RYR2: variants seen among roughly 807,000 people sequenced by gnomAD.
The protein encoded by RYR2 is cardiac muscle ryanodine receptor-calcium release channel.
A neutral mutation model predicts 601.1 loss-of-function variants in RYR2; 227 were observed. That is an observed-to-expected ratio of 0.38 (90% CI 0.34 to 0.42). The LOEUF (loss-of-function observed/expected upper bound fraction) is 0.42. Among genes scored for constraint, RYR2 ranks in the 10% least tolerant of loss-of-function variants. RYR2 has a pLI of 1.00. For synonymous variants in RYR2, 2,223 were observed against 2,175.1 expected (o/e 1.02, Z -0.61); for missense variants, 4,646 against 6,156.5 (o/e 0.75, Z 8.21).
intron 2 of RYR2, among the ~76,000 whole-genome samples, chr1:237,311,482 CTTT>C (rs574868634): frequency 3.5e-5 from 5 of 141,184 alleles, no homozygotes; most frequent in East Asian, 2.1e-4. Context: ...AGAAAAAATC[CTTT>C]TTTTTTTTTT....
intron 1 of RYR2, among the ~76,000 whole-genome samples, chr1:237,099,106 GAA>G (rs61415751): frequency 0.79 from 118,564 of 149,978 alleles, 49,717 homozygotes; most frequent in Non-Finnish European, 0.93. Context: ...AGTGTGAACG[GAA>G]AAAAAAAAAC....
At chr1:237,209,973 A>G (rs955373449) in intron 1 of RYR2, among the ~76,000 whole-genome samples, 1 of 152,224 alleles carries the variant, frequency 6.6e-6, no homozygotes, top group African/African-American at 2.4e-5. Flanking sequence ...AATGAGAAAT[A>G]TAACATGTAG....
intron 1 of RYR2, among the ~76,000 whole-genome samples, chr1:237,212,840 T>C (rs753949430): frequency 6.6e-6 from 1 of 152,114 alleles, no homozygotes; most frequent in East Asian, 1.9e-4. Flanking sequence ...AGTAGCGTGA[T>C]CTCGACTCAC....
chr1:237,598,926 T>G (rs1676191146), intron 34 of RYR2, among the ~76,000 whole-genome samples: 1 of 151,924 alleles, frequency 6.6e-6, no homozygotes, highest in South Asian at 2.1e-4. Flanking sequence ...CTCAAATAAA[T>G]AAAATCCACA....
chr1:237,089,700 T>C (rs1186995528), intron 1 of RYR2, among the ~76,000 whole-genome samples: 1 of 152,244 alleles, frequency 6.6e-6, no homozygotes, highest in Non-Finnish European at 1.5e-5. Flanking sequence ...AAATAAGTCA[T>C]GTTCCTTTTA....
chr1:237,679,947 A>G (rs1685720612), intron 61 of RYR2, among the ~76,000 whole-genome samples: 1 of 152,188 alleles, frequency 6.6e-6, no homozygotes, highest in African/African-American at 2.4e-5. Flanking sequence ...TAGAAATGGA[A>G]AGTGCACTTT....
At chr1:237,153,206 A>AGC (rs1250615803) in intron 1 of RYR2, among the ~76,000 whole-genome samples, 3 of 152,234 alleles carry the variant, frequency 2.0e-5, no homozygotes, top group Non-Finnish European at 2.9e-5. Context: ...AGAATGAACA[A>AGC]GAGACAAAGC....
chr1:237,164,532 TAAAAG>T (rs1223405173), intron 1 of RYR2, among the ~76,000 whole-genome samples: 6 of 151,860 alleles, frequency 4.0e-5, no homozygotes, highest in African/African-American at 7.3e-5. Flanking sequence ...GACAAATAAA[TAAAAG>T]AAGAGGTAAA....
chr1:237,558,249 AG>A (rs1671101810), intron 27 of RYR2, among the ~76,000 whole-genome samples: 1 of 152,216 alleles, frequency 6.6e-6, no homozygotes. Flanking sequence ...GAGGAAGCTG[AG>A]GGCAGTCTAC....
chr1:237,811,288 A>C (rs73103996), intron 100 of RYR2, among the ~76,000 whole-genome samples: 1 of 152,172 alleles, frequency 6.6e-6, no homozygotes, highest in African/African-American at 2.4e-5. Context: ...CTGAAACTCG[A>C]TGTTACATTT....
At chr1:237,220,392 G>A (rs1169377914) in intron 1 of RYR2, among the ~76,000 whole-genome samples, 2 of 152,178 alleles carry the variant, frequency 1.3e-5, no homozygotes, top group African/African-American at 2.4e-5. Flanking sequence ...AGGCCTGACC[G>A]GTGGTGTGCT....
intron 1 of RYR2, among the ~76,000 whole-genome samples, chr1:237,065,960 G>A (rs58021273): frequency 6.6e-6 from 1 of 152,146 alleles, no homozygotes; most frequent in Non-Finnish European, 1.5e-5. Context: ...TATCACCAGA[G>A]TAGCACCGAG....
At chr1:237,108,421 G>C (rs749735786) in intron 1 of RYR2, among the ~76,000 whole-genome samples, 2 of 152,200 alleles carry the variant, frequency 1.3e-5, no homozygotes, top group Non-Finnish European at 2.9e-5. Flanking sequence ...AGCCCAGTAG[G>C]CCTGCTAATT....
chr1:237,331,542 AC>A (rs1181405638), intron 3 of RYR2, among the ~76,000 whole-genome samples: 2 of 150,824 alleles, frequency 1.3e-5, no homozygotes, highest in East Asian at 3.9e-4. Context: ...TGGCTCTGTC[AC>A]CCAGGCTGGA....
At chr1:237,558,736 G>A (rs1439529601) in intron 27 of RYR2, among the ~76,000 whole-genome samples, 1 of 152,012 alleles carries the variant, frequency 6.6e-6, no homozygotes, top group Non-Finnish European at 1.5e-5. Flanking sequence ...TTTCCATTAT[G>A]TGTATGTTGG....
chr1:237,237,375 C>T (rs1365858419), intron 1 of RYR2, among the ~76,000 whole-genome samples: 1 of 152,144 alleles, frequency 6.6e-6, no homozygotes, highest in Non-Finnish European at 1.5e-5. Context: ...AAATTCTAAG[C>T]CTCCAACTGA....
At chr1:237,067,801 T>G (rs1663834060) in intron 1 of RYR2, among the ~76,000 whole-genome samples, 1 of 152,202 alleles carries the variant, frequency 6.6e-6, no homozygotes, top group African/African-American at 2.4e-5. Flanking sequence ...GGAAGAGTTC[T>G]TCCTGACTAA....
intron 1 of RYR2, among the ~76,000 whole-genome samples, chr1:237,164,863 G>A (rs1017244954): frequency 2.6e-5 from 4 of 152,056 alleles, no homozygotes; most frequent in African/African-American, 9.6e-5. Context: ...TCCATACTCC[G>A]TATACCTATT....
chr1:237,414,028 T>A (rs1704694590), intron 10 of RYR2, among the ~76,000 whole-genome samples: 1 of 152,164 alleles, frequency 6.6e-6, no homozygotes, highest in Non-Finnish European at 1.5e-5. Flanking sequence ...TTTCAGTATT[T>A]GTTTCTAATT....
Sources: allele counts gnomAD v4.1 joint callset (sites outside exome capture counted in the v4.1 genomes callset), GRCh38; gene constraint gnomAD v4.1.1; transcripts MANE v1.5; gene names NCBI Gene and HGNC (gene_info 2026-07-23, HGNC 2026-07-21).